Variants in ZBTB11 observed in about 807,000 individuals in gnomAD.
The protein encoded by ZBTB11 is zinc finger and BTB domain containing 11, also known as zinc finger and BTB domain-containing protein 11.
ZBTB11 carries 68 observed loss-of-function variants against 113.1 expected under a neutral mutation model. That is an observed-to-expected ratio of 0.60 (90% confidence interval 0.49 to 0.74). The LOEUF (loss-of-function observed/expected upper bound fraction) is 0.74, where lower values mean the gene tolerates loss of function less well. ZBTB11 is among the 30% of genes least tolerant of loss of function. The pLI is 0.00. For synonymous variants in ZBTB11, 518 were observed against 452.6 expected (o/e 1.14, Z -1.83); for missense variants, 1,104 against 1,279.4 (o/e 0.86, Z 2.09).
chr3:101,673,722 C>T (rs1937118640), intron 1 of ZBTB11, among the ~76,000 whole-genome samples: 1 of 152,098 alleles, frequency 6.6e-6, no homozygotes, highest in South Asian at 2.1e-4. Context: ...ACTATTTTTG[C>T]CAGGCTGGTC....
chr3:101,671,552 T>G lies in ZBTB11; in HGVS notation c.547-191A>C, dbSNP rs926648891. The G allele has an allele frequency of 3.5e-5, 21 of 591,890 alleles. No individual in the cohort carries two copies. In the South Asian group the frequency reaches 4.6e-4, roughly 13 times the overall value. The allele number at this position is 591,890 out of a possible 1,614,324, so 36.7% of individuals were successfully genotyped here. On this transcript the variant is annotated intron_variant, in intron 2 of 10. Transcript: ENST00000312938. ...TATTTTCTGCCATGTTCATTCTACC[T>G]CACCTAATGAAAATCTGTATCTCAC...
At chr3:101,668,501 C>T (rs560672929) in intron 3 of ZBTB11, among the ~76,000 whole-genome samples, 31 of 151,996 alleles carry the variant, frequency 2.0e-4, no homozygotes, top group African/African-American at 7.5e-4. Flanking sequence ...AGGTGGTGTG[C>T]ACCTGTGGTC....
intron 5 of ZBTB11, among the ~76,000 whole-genome samples, chr3:101,663,346 A>T (rs996596167): frequency 1.3e-5 from 2 of 152,200 alleles, no homozygotes; most frequent in African/African-American, 4.8e-5. Flanking sequence ...TGTTACGATT[A>T]TAGGTGTGAG....
chr3:101,653,747 C>A (rs1232076671), intron 8 of ZBTB11, among the ~76,000 whole-genome samples: 1 of 152,086 alleles, frequency 6.6e-6, no homozygotes, highest in Non-Finnish European at 1.5e-5. Context: ...ATCAACCTTA[C>A]CAGGAACTCT....
At chr3:101,657,759 A>G (rs1454719029) in intron 6 of ZBTB11, among the ~76,000 whole-genome samples, 1 of 152,054 alleles carries the variant, frequency 6.6e-6, no homozygotes, top group Non-Finnish European at 1.5e-5. Flanking sequence ...CCCAGGTGGG[A>G]GAACAGCTTG....
rs149410121 is a variant in ZBTB11, at chr3:101,664,857, T to C, written c.1623+107A>G. Reference sequence around the variant, plus strand: ...TTTAAAACATTAAGTTGCTACCTTGTACCCATCTCACCTCCCAAATAATTT... The same window carrying C: ...TTTAAAACATTAAGTTGCTACCTTGCACCCATCTCACCTCCCAAATAATTT... On this transcript the variant is annotated intron_variant, in intron 4 of 10. Coordinates refer to ENST00000312938, the MANE Select transcript of ZBTB11 (RefSeq NM_014415.4). 1.2e-4 allele frequency: 183 copies of C among 1,492,848 alleles called. No individual in the cohort carries two copies. The African/African-American group carries it at 2.3e-3, about 19-fold the overall frequency. 92.5% of individuals were successfully genotyped at this position (1,492,848 alleles called of 1,614,324 possible). A position where few individuals can be genotyped will look rare whatever the true frequency, so the allele number is the denominator to read the frequency against.
chr3:101,659,648 A>G, intron 6 of ZBTB11, 135 bp downstream of exon 6: 1 of 1,070,904 alleles, frequency 9.3e-7, no homozygotes, highest in Non-Finnish European at 1.3e-6. Context: ...TGATCTAGGC[A>G]ATAAAGAAGT....
At chr3:101,661,821 T>C (rs1188214865) in intron 5 of ZBTB11, among the ~76,000 whole-genome samples, 1 of 152,198 alleles carries the variant, frequency 6.6e-6, no homozygotes, top group African/African-American at 2.4e-5. Context: ...CTTTATATTG[T>C]TTTCCATGTT....
intron 6 of ZBTB11, 80 bp from the exon 7 acceptor site, chr3:101,656,328 T>A (rs1936798125): frequency 1.2e-6 from 1 of 802,516 alleles, no homozygotes; most frequent in African/African-American, 1.8e-5. Flanking sequence ...AGAAAATGAA[T>A]ATATTATTTT....
In ZBTB11 at chr3:101,665,229, T is replaced by A; in HGVS notation, c.1358A>T (p.Asp453Val). The A allele has an allele frequency of 1.9e-6, 3 of 1,614,254 alleles. No homozygotes were observed. Among genetic ancestry groups the A allele is most frequent in the East Asian group, 2.2e-5 (1 of 44,886 alleles). The change falls in exon 4 of 11, where the codon GAT becomes GTT. Residue 453 changes from aspartate to valine, a missense_variant. This residue lies in a region of ZBTB11 where 535 missense variants were observed against 518.6 expected (regional missense o/e 1.03). Coordinates refer to ENST00000312938, the MANE Select transcript of ZBTB11 (RefSeq NM_014415.4). ...KENVISSSPE[D>V]SGMGNDISAE... is the part of the protein sequence containing the mutation. ...TGATATATCATTTCCCATACCACTA[T>A]CCTCTGGCGAGCTACTAATTACATT...
chr3:101,665,450 C>T lies in ZBTB11; in HGVS notation c.1137G>A (p.Glu379=), dbSNP rs137917462. 159 of 1,614,182 alleles carry T rather than the reference C, an allele frequency of 9.9e-5. No individual in the cohort carries two copies. In the Middle Eastern group the frequency reaches 3.1e-3, roughly 32 times the overall value. ...GELPEAEQNG[E]VGRQPEPQVS... The stretch of plus-strand genomic sequence containing the variant: ...CCTGGGGCTCAGGCTGTCGTCCTAC[C>T]TCTCCATTCTGCTCAGCTTCTGGCA... The change falls in exon 4 of 11, where the codon GAG becomes GAA. Residue 379 remains glutamate (E), a synonymous_variant. Transcript: ENST00000312938.
At chr3:101,653,497 C>G (rs998871638) in intron 8 of ZBTB11, among the ~76,000 whole-genome samples, 2 of 152,122 alleles carry the variant, frequency 1.3e-5, no homozygotes, top group African/African-American at 4.8e-5. Flanking sequence ...TCAGAGAAAA[C>G]AAGTGCTAAT....
At chr3:101,671,082 C>T (rs1937078532) in intron 3 of ZBTB11, 48 bp downstream of exon 3, 1 of 1,510,424 alleles carries the variant, frequency 6.6e-7, no homozygotes, top group Admixed American at 1.8e-5. Context: ...TCCCCCTCTT[C>T]TAGAATGTCA....
chr3:101,671,158 G>T lies in ZBTB11; in HGVS notation c.750C>A (p.Ser250=), dbSNP rs752090697. The change falls in exon 3 of 11, where the codon TCC becomes TCA. Residue 250 remains serine, a synonymous_variant. Transcript: ENST00000312938. ...RDLFIEKGAV[S]SHEAVVDLSG... ...AAAGATCCACCACAGCCTCATGACT[G>T]GAAACAGCTCCTTTCTCAATAAAAA... 22 of 1,614,110 alleles carry T rather than the reference G, an allele frequency of 1.4e-5. No homozygotes were observed. Among genetic ancestry groups the T allele is most frequent in the Non-Finnish European group, 1.9e-5 (22 of 1,179,984 alleles).
chr3:101,652,669 C>T lies in ZBTB11; in HGVS notation c.2471G>A (p.Cys824Tyr). The part of the protein sequence containing the change: ...KSHSVTEPYR[C>Y]NICGKEFYEK... ...ATAAAATTCTTTGCCACATATATTA[C>T]ACCTAAAATAGGGGAAAAGACCCAA... is the stretch of plus-strand genomic sequence containing the variant. The change falls in exon 10 of 11, where the codon TGT becomes TAT. Residue 824 changes from cysteine to tyrosine, a missense_variant and splice_region_variant. By Grantham distance (194) the Cys-to-Tyr change is radical. Coordinates refer to ENST00000312938, the MANE Select transcript of ZBTB11 (RefSeq NM_014415.4). 1.2e-6 allele frequency: 2 copies of T among 1,613,300 alleles called. No individual in the cohort carries two copies. Among genetic ancestry groups the T allele is most frequent in the Non-Finnish European group, 1.7e-6 (2 of 1,179,836 alleles).
In ZBTB11 at chr3:101,659,956, G is replaced by T. The variant is rs1270074999; in HGVS notation, c.1873C>A (p.Pro625Thr). The change falls in exon 6 of 11, where the codon CCC becomes ACC. Residue 625 changes from proline (P) to threonine (T), a missense_variant. Transcript: ENST00000312938. ...GTGGAATTGGACGAGGATGAAGAGG[G>T]TGCATCTTTTCTGGTATGACGAATA... is the stretch of plus-strand genomic sequence containing the variant. ...HLIRHTRKDA[P>T]SSSSSNSTSN... 1 of 1,614,164 alleles carries T rather than the reference G, an allele frequency of 6.2e-7. No individual in the cohort carries two copies. The highest frequency in any genetic ancestry group is 1.3e-5 in the African/African-American group (1 of 75,044).
chr3:101,654,354 G>A (rs976455679), intron 8 of ZBTB11, among the ~76,000 whole-genome samples: 3 of 151,980 alleles, frequency 2.0e-5, no homozygotes, highest in Non-Finnish European at 2.9e-5. Context: ...TTAATTTTAC[G>A]TTATATGAAT....
At position 101,665,148 on chromosome 3, in the gene ZBTB11, G is replaced by A. The variant is rs761371233; in HGVS notation, c.1439C>T (p.Pro480Leu). Reference sequence around the variant, plus strand: ...AACTAGATTTTCCTGATCTTTTAAAGGTTGGTCAACTTTCTGCCTATGTTT... The same window carrying A: ...AACTAGATTTTCCTGATCTTTTAAAAGTTGGTCAACTTTCTGCCTATGTTT... Reference protein sequence around the residue: ...IPKHRQKVDQPLKDQENLVAS... With the variant: ...IPKHRQKVDQLLKDQENLVAS... Residue 480 changes from proline (P) to leucine (L), a missense_variant, in exon 4 of 11, where the codon CCT (proline) becomes CTT (leucine). Pro to Leu is a moderately conservative substitution (Grantham distance 98). Around this residue, in one of 5 missense-constraint regions of ZBTB11, gnomAD observed 535 missense variants for 518.6 expected, o/e 1.03. Transcript: ENST00000312938. The A allele has an allele frequency of 6.2e-7, 1 of 1,614,058 alleles. No homozygotes were observed. Among genetic ancestry groups the A allele is most frequent in the South Asian group, 1.1e-5 (1 of 91,078 alleles).
rs934651931 is a variant in ZBTB11 at position 101,659,833 on chromosome 3, G to C, written c.1996C>G (p.Leu666Val). Residue 666 changes from leucine (L) to valine (V), a missense_variant, in exon 6 of 11, where the codon CTC (leucine) becomes GTC (valine). By Grantham distance (32) the Leu-to-Val change is conservative. Around this residue, in one of 5 missense-constraint regions of ZBTB11, gnomAD observed 535 missense variants for 518.6 expected, o/e 1.03. Transcript: ENST00000312938. ...GTGTGCTTTAACATATGTATTCGGA[G>C]AGAATATAATTTAGGTAATGTTCTT... ...CGRTLPKLYS[L>V]RIHMLKHTGV... The C allele has an allele frequency of 1.2e-6, 2 of 1,614,144 alleles. No individual in the cohort carries two copies. Among genetic ancestry groups the C allele is most frequent in the Non-Finnish European group, 1.7e-6 (2 of 1,180,006 alleles).
Sources: gnomAD v4.1 joint callset for allele counts (sites outside exome capture counted in the v4.1 genomes callset) on GRCh38, gnomAD v4.1.1 for gene constraint, gnomAD v4.1.1 regional missense constraint, MANE v1.5 for transcripts, NCBI Gene and HGNC (gene_info 2026-07-23, HGNC 2026-07-21) for gene names.